Variants in ADCK1 observed in about 807,000 individuals in gnomAD.
ADCK1 encodes aarF domain-containing protein kinase 1.
In ADCK1, 41 loss-of-function variants were observed where a neutral mutation model predicts 52.3. That is an observed-to-expected ratio of 0.78 (90% CI 0.61 to 1.02). The LOEUF (loss-of-function observed/expected upper bound fraction) is 1.02, where lower values mean the gene tolerates loss of function less well. Among genes scored for constraint, ADCK1 ranks in the 50% least tolerant of loss-of-function variants. ADCK1 has a pLI of 0.00. For missense variants in ADCK1, 658 were observed against 679.5 expected (o/e 0.97, Z 0.35); for synonymous variants, 250 against 274.6 (o/e 0.91, Z 0.89).
intron 3 of ADCK1, among the ~76,000 whole-genome samples, chr14:77,849,996 A>G (rs1481032834): frequency 6.6e-6 from 1 of 151,978 alleles, no homozygotes; most frequent in Non-Finnish European, 1.5e-5. Context: ...AGCCTGGGCA[A>G]CATAGTGAGA....
chr14:77,896,720 G>A (rs1223875621), intron 5 of ADCK1, among the ~76,000 whole-genome samples: 1 of 152,164 alleles, frequency 6.6e-6, no homozygotes, highest in African/African-American at 2.4e-5. Context: ...CCTCTCTGTT[G>A]CCCCCTCTCC....
intron 1 of ADCK1, among the ~76,000 whole-genome samples, chr14:77,801,032 C>A (rs114750509): frequency 0.021 from 3,179 of 152,062 alleles, 104 homozygotes; most frequent in African/African-American, 0.07. Flanking sequence ...GAGTTCAACA[C>A]CAGGCTGGGC....
At chr14:77,880,465 C>A (rs987237083) in intron 4 of ADCK1, among the ~76,000 whole-genome samples, 3 of 152,188 alleles carry the variant, frequency 2.0e-5, no homozygotes, top group African/African-American at 7.2e-5. Context: ...ACACAAACTC[C>A]ATGGAAGACA....
intron 3 of ADCK1, among the ~76,000 whole-genome samples, chr14:77,829,819 T>C (rs1035924536): frequency 6.6e-6 from 1 of 151,250 alleles, no homozygotes; most frequent in Admixed American, 6.6e-5. Flanking sequence ...ATAGGTGAGG[T>C]TGAATGAGTT....
At chr14:77,913,846 C>T (rs565916464) in intron 7 of ADCK1, among the ~76,000 whole-genome samples, 11 of 152,150 alleles carry the variant, frequency 7.2e-5, no homozygotes, top group South Asian at 2.1e-4. Flanking sequence ...GTCCCAGAGA[C>T]GTGGGATCCA....
intron 3 of ADCK1, among the ~76,000 whole-genome samples, chr14:77,856,986 C>A (rs6574407): frequency 0.62 from 91,422 of 148,580 alleles, 28,702 homozygotes; most frequent in Middle Eastern, 0.81. Context: ...TGGGTGTCTC[C>A]AAAAAAAAAA....
chr14:77,816,176 G>T (rs1234071835), intron 1 of ADCK1, among the ~76,000 whole-genome samples: 1 of 152,048 alleles, frequency 6.6e-6, no homozygotes, highest in Non-Finnish European at 1.5e-5. Context: ...TTATACTTTA[G>T]AAATACTAGA....
intron 3 of ADCK1, among the ~76,000 whole-genome samples, chr14:77,825,594 G>A (rs1158490072): frequency 6.6e-6 from 1 of 151,868 alleles, no homozygotes; most frequent in Non-Finnish European, 1.5e-5. Context: ...GATGTGACAG[G>A]TCCTGAATAA....
intron 3 of ADCK1, among the ~76,000 whole-genome samples, chr14:77,824,958 A>C (rs2081662065): frequency 6.6e-6 from 1 of 152,214 alleles, no homozygotes; most frequent in Non-Finnish European, 1.5e-5. Context: ...TTTAATGGGA[A>C]ATACATTCAA....
intron 6 of ADCK1, among the ~76,000 whole-genome samples, chr14:77,905,303 G>GTTTTTTTTTTTTTTTTTTTTTT (rs1566722295): frequency 1.5e-5 from 1 of 65,340 alleles, no homozygotes; most frequent in East Asian, 2.3e-4. Context: ...TTTCCTAGCT[G>GTTTTTTTTTTTTTTTTTTTTTT]GTTTTTTTTT....
At chr14:77,830,726 G>T (rs889480370) in intron 3 of ADCK1, among the ~76,000 whole-genome samples, 17 of 152,102 alleles carry the variant, frequency 1.1e-4, no homozygotes, top group African/African-American at 4.1e-4. Context: ...GAGAGAAAAA[G>T]AACAGGAACC....
At chr14:77,817,587 T>C (rs2081483750) in intron 1 of ADCK1, among the ~76,000 whole-genome samples, 1 of 152,148 alleles carries the variant, frequency 6.6e-6, no homozygotes. Flanking sequence ...AAGGTCACAT[T>C]GACCAGGAGT....
chr14:77,814,683 G>A (rs1329796011), intron 1 of ADCK1, among the ~76,000 whole-genome samples: 2 of 108,178 alleles, frequency 1.8e-5, no homozygotes, highest in African/African-American at 3.7e-5. Flanking sequence ...GGGTGACAGA[G>A]CAAGACACTC....
chr14:77,820,801 C>G (rs1230213080), intron 2 of ADCK1, among the ~76,000 whole-genome samples: 1 of 151,860 alleles, frequency 6.6e-6, no homozygotes, highest in Non-Finnish European at 1.5e-5. Context: ...CTCTGTCATC[C>G]AGGCTGGAGT....
At chr14:77,839,918 CAAAAAAAAAAA>C (rs10581300) in intron 3 of ADCK1, among the ~76,000 whole-genome samples, 1 of 69,708 alleles carries the variant, frequency 1.4e-5, no homozygotes, top group Non-Finnish European at 2.5e-5. Context: ...GACCCTGTCT[CAAAAAAAAAAA>C]AAAAAAAAAA....
intron 5 of ADCK1, among the ~76,000 whole-genome samples, chr14:77,891,513 G>C (rs1242259495): frequency 3.3e-5 from 5 of 152,178 alleles, no homozygotes; most frequent in Admixed American, 2.0e-4. Context: ...AATGGTTGCT[G>C]TAAGGTCAGA....
chr14:77,836,107 G>A (rs1404142030), intron 3 of ADCK1, among the ~76,000 whole-genome samples: 1 of 152,136 alleles, frequency 6.6e-6, no homozygotes, highest in Non-Finnish European at 1.5e-5. Context: ...GTGGGAATGG[G>A]TTCATTTTGG....
At position 77,933,712 on chromosome 14, in the gene ADCK1, G is replaced by A. The variant is rs555504442; in HGVS notation, c.*321G>A. On this transcript the variant is annotated 3_prime_UTR_variant, in exon 11 of 11. Coordinates refer to ENST00000238561, the MANE Select transcript of ADCK1 (RefSeq NM_020421.4). ...CCTTCCCATTGTCAAGATGTGCCAC[G>A]GGTGCCACTGGGGGCACACTGAACT... The A allele has an allele frequency of 9.4e-5, 26 of 277,690 alleles. No individual in the cohort carries two copies. The South Asian group carries it at 2.0e-3, about 21-fold the overall frequency. 17.2% of individuals were successfully genotyped at this position (277,690 alleles called of 1,614,324 possible). A position where few individuals can be genotyped will look rare whatever the true frequency, so the allele number is the denominator to read the frequency against.
At chr14:77,851,031 C>T (rs1486832467) in intron 3 of ADCK1, among the ~76,000 whole-genome samples, 2 of 151,852 alleles carry the variant, frequency 1.3e-5, no homozygotes, top group Admixed American at 6.6e-5. Flanking sequence ...TTAATGAAGA[C>T]AGCTATTACT....
Sources: gnomAD v4.1 joint callset for allele counts (sites outside exome capture counted in the v4.1 genomes callset) on GRCh38, gnomAD v4.1.1 for gene constraint, MANE v1.5 for transcripts, NCBI Gene and HGNC (gene_info 2026-07-23, HGNC 2026-07-21) for gene names.